NRG3: variants seen among roughly 807,000 people sequenced by gnomAD.
NRG3 encodes the protein neuregulin 3, also known as pro-neuregulin-3, membrane-bound isoform.
In NRG3, 31 loss-of-function variants were observed where a neutral mutation model predicts 66.9. That is an observed-to-expected ratio of 0.46 (90% CI 0.35 to 0.63). The LOEUF is 0.63. Ranked by LOEUF, NRG3 falls within the 20% of genes least tolerant of loss-of-function variation. The pLI, the probability that NRG3 is intolerant of heterozygous loss-of-function variation, is 0.00. For synonymous variants in NRG3, 393 were observed against 359.4 expected (o/e 1.09, Z -1.06); for missense variants, 910 against 878.9 (o/e 1.04, Z -0.45).
At chr10:82,524,745 A>G (rs557678897) in intron 2 of NRG3, among the ~76,000 whole-genome samples, 51 of 151,922 alleles carry the variant, frequency 3.4e-4, no homozygotes, top group African/African-American at 9.9e-4. Context: ...TTCAAATCCT[A>G]TATATTTTAC....
chr10:82,173,269 A>T (rs2072769766), intron 1 of NRG3, among the ~76,000 whole-genome samples: 1 of 149,726 alleles, frequency 6.7e-6, no homozygotes, highest in Middle Eastern at 3.2e-3. Context: ...AGATACATTA[A>T]GTTTTTTTTT....
chr10:82,759,862 A>G (rs1424779061), intron 3 of NRG3, among the ~76,000 whole-genome samples: 1 of 152,148 alleles, frequency 6.6e-6, no homozygotes, highest in Non-Finnish European at 1.5e-5. Flanking sequence ...TGATGAAATA[A>G]TAAGAAACAG....
chr10:81,978,604 T>A (rs949464899), intron 1 of NRG3, among the ~76,000 whole-genome samples: 1 of 152,198 alleles, frequency 6.6e-6, no homozygotes, highest in Non-Finnish European at 1.5e-5. Context: ...TACTCCTGGA[T>A]AAGAAGAAAC....
chr10:82,785,074 A>G (rs1302205643), intron 3 of NRG3, among the ~76,000 whole-genome samples: 2 of 152,128 alleles, frequency 1.3e-5, no homozygotes, highest in Non-Finnish European at 2.9e-5. Context: ...TGAAATTGGA[A>G]ATCATCATTC....
chr10:82,487,643 A>G (rs187067666), intron 2 of NRG3, among the ~76,000 whole-genome samples: 1 of 152,350 alleles, frequency 6.6e-6, no homozygotes, highest in East Asian at 1.9e-4. Context: ...GACCAAGACT[A>G]CAATTATTAT....
chr10:82,070,492 CTG>C (rs1420254325), intron 1 of NRG3, among the ~76,000 whole-genome samples: 9 of 151,972 alleles, frequency 5.9e-5, no homozygotes, highest in Non-Finnish European at 1.3e-4. Context: ...AAGTCAAAAA[CTG>C]TAACAGAAAA....
intron 1 of NRG3, among the ~76,000 whole-genome samples, chr10:81,909,719 C>T (rs751854560): frequency 2.0e-4 from 30 of 152,066 alleles, no homozygotes; most frequent in East Asian, 1.9e-4. Flanking sequence ...CAGATGTTTC[C>T]GTCTTTAGGA....
chr10:82,392,399 G>T (rs549809091), intron 2 of NRG3, among the ~76,000 whole-genome samples: 1 of 152,284 alleles, frequency 6.6e-6, no homozygotes, highest in Non-Finnish European at 1.5e-5. Flanking sequence ...TTGCTTGGAT[G>T]AAAGAAGGGT....
At chr10:82,640,275 G>A (rs535546075) in intron 2 of NRG3, among the ~76,000 whole-genome samples, 1 of 152,286 alleles carries the variant, frequency 6.6e-6, no homozygotes. Flanking sequence ...TTTGATCAGT[G>A]GTAGACTTGA....
chr10:82,273,923 T>C (rs1319680664), intron 1 of NRG3, among the ~76,000 whole-genome samples: 1 of 151,986 alleles, frequency 6.6e-6, no homozygotes, highest in Non-Finnish European at 1.5e-5. Context: ...CTTGAAACTC[T>C]TTGCTCATTC....
intron 1 of NRG3, among the ~76,000 whole-genome samples, chr10:82,117,119 C>G (rs1204833026): frequency 2.6e-5 from 4 of 152,094 alleles, no homozygotes; most frequent in African/African-American, 9.7e-5. Flanking sequence ...CTTTATCTGT[C>G]ATAGGTCATA....
At chr10:82,044,901 A>C (rs547253655) in intron 1 of NRG3, among the ~76,000 whole-genome samples, 1 of 151,810 alleles carries the variant, frequency 6.6e-6, no homozygotes, top group East Asian at 2.0e-4. Flanking sequence ...TGAACTCATC[A>C]TTTTTTATGG....
chr10:81,909,027 C>T (rs192356847), intron 1 of NRG3, among the ~76,000 whole-genome samples: 398 of 152,220 alleles, frequency 2.6e-3, no homozygotes, highest in Middle Eastern at 0.01. Context: ...CTCATAGGAC[C>T]TGAGGCTACA....
At chr10:82,005,373 T>C (rs918215303) in intron 1 of NRG3, among the ~76,000 whole-genome samples, 1 of 152,242 alleles carries the variant, frequency 6.6e-6, no homozygotes, top group African/African-American at 2.4e-5. Context: ...TTTTTAACCA[T>C]CACTTTTATG....
intron 2 of NRG3, among the ~76,000 whole-genome samples, chr10:82,491,765 C>G (rs940315778): frequency 6.6e-6 from 1 of 152,162 alleles, no homozygotes; most frequent in Non-Finnish European, 1.5e-5. Context: ...AGGCAAGACC[C>G]TGAATCAGCT....
intron 2 of NRG3, among the ~76,000 whole-genome samples, chr10:82,454,559 TGAG>T (rs1023153890): frequency 3.3e-5 from 5 of 152,168 alleles, no homozygotes; most frequent in African/African-American, 7.2e-5. Context: ...TTACAATGAA[TGAG>T]GAGAAGATCA....
At chr10:82,499,693 T>C (rs1843970213) in intron 2 of NRG3, among the ~76,000 whole-genome samples, 1 of 152,178 alleles carries the variant, frequency 6.6e-6, no homozygotes, top group South Asian at 2.1e-4. Flanking sequence ...ATGTGTGAAT[T>C]GAATGATATA....
At chr10:82,695,111 A>G (rs1397046204) in intron 2 of NRG3, among the ~76,000 whole-genome samples, 1 of 152,204 alleles carries the variant, frequency 6.6e-6, no homozygotes, top group East Asian at 1.9e-4. Context: ...TCATATGTAC[A>G]TTGGACATGC....
intron 1 of NRG3, among the ~76,000 whole-genome samples, chr10:82,078,585 C>T (rs1031472686): frequency 5.9e-5 from 9 of 152,118 alleles, no homozygotes; most frequent in South Asian, 2.1e-4. Context: ...CTCATGACCT[C>T]GTGATCCGAC....
Sources: gnomAD v4.1 joint callset for allele counts (sites outside exome capture counted in the v4.1 genomes callset) on GRCh38, gnomAD v4.1.1 for gene constraint, MANE v1.5 for transcripts, NCBI Gene and HGNC (gene_info 2026-07-23, HGNC 2026-07-21) for gene names.